FIRRM: variants seen among roughly 807,000 people sequenced by gnomAD.
FIRRM encodes the protein FIGNL1 interacting regulator of recombination and mitosis.
chr1:169,796,582 T>A, the FIRRM span, among the ~76,000 whole-genome samples: 3,731 of 152,336 alleles, frequency 0.024, 62 homozygotes, highest in South Asian at 0.036. Flanking sequence ...ATCTCCATCC[T>A]CATTGCTACC....
the FIRRM span, among the ~76,000 whole-genome samples, chr1:169,846,612 C>T: frequency 7.9e-5 from 12 of 152,304 alleles, 1 homozygote; most frequent in South Asian, 2.5e-3. Flanking sequence ...GAGATTGCTT[C>T]TTAAACTTCA....
At chr1:169,841,134 A>G in the FIRRM span, among the ~76,000 whole-genome samples, 3 of 152,070 alleles carry the variant, frequency 2.0e-5, no homozygotes, top group East Asian at 5.8e-4. Context: ...TTTGATGCCT[A>G]GTGTCTTGAT....
chr1:169,795,676 C>G, the FIRRM span: 1 of 987,728 alleles, frequency 1.0e-6, no homozygotes, highest in Non-Finnish European at 1.2e-6. Flanking sequence ...TAAGGGCTTT[C>G]TTAGCGTTAT....
chr1:169,819,825 A>G, the FIRRM span, among the ~76,000 whole-genome samples: 6 of 152,152 alleles, frequency 3.9e-5, no homozygotes, highest in Non-Finnish European at 8.8e-5. Context: ...AGAATCAACA[A>G]ATGGTAAAGG....
chr1:169,820,105 G>C, the FIRRM span, among the ~76,000 whole-genome samples: 1 of 152,228 alleles, frequency 6.6e-6, no homozygotes, highest in Admixed American at 6.5e-5. Flanking sequence ...ACAAGGTCAA[G>C]CTCCTAAGGA....
the FIRRM span, among the ~76,000 whole-genome samples, chr1:169,822,891 T>G: frequency 6.6e-6 from 1 of 152,250 alleles, no homozygotes; most frequent in South Asian, 2.1e-4. Flanking sequence ...TTTTAACGTT[T>G]GAACATTGTG....
At chr1:169,849,816 G>A in the FIRRM span, 3 of 553,870 alleles carry the variant, frequency 5.4e-6, no homozygotes, top group Non-Finnish European at 9.7e-6. Flanking sequence ...AATAAACAAG[G>A]ACCAGAACAG....
chr1:169,822,035 C>T, the FIRRM span, among the ~76,000 whole-genome samples: 2 of 152,050 alleles, frequency 1.3e-5, no homozygotes, highest in Non-Finnish European at 2.9e-5. Context: ...TTTAAAGATT[C>T]CCCTGATAGA....
the FIRRM span, chr1:169,851,045 C>CTTTTTTTTTTTTTTTTT: frequency 1.2e-4 from 2 of 17,308 alleles, no homozygotes; most frequent in East Asian, 2.2e-3. Context: ...GCTCAGGGCC[C>CTTTTTTTTTTTTTTTTT]TTTTTTTTTT....
chr1:169,803,728 C>T, the FIRRM span, among the ~76,000 whole-genome samples: 31 of 152,110 alleles, frequency 2.0e-4, no homozygotes, highest in Non-Finnish European at 3.7e-4. Context: ...CAAAAGCTTG[C>T]CTAGAATTTA....
chr1:169,838,141 G>C, the FIRRM span, among the ~76,000 whole-genome samples: 2 of 152,014 alleles, frequency 1.3e-5, no homozygotes, highest in South Asian at 2.1e-4. Flanking sequence ...CTTTCACCAT[G>C]TTGGCCAGGC....
chr1:169,838,940 C>G, the FIRRM span, among the ~76,000 whole-genome samples: 1 of 152,162 alleles, frequency 6.6e-6, no homozygotes. Flanking sequence ...TCTCTCCTCC[C>G]TCCCCCTACT....
the FIRRM span, among the ~76,000 whole-genome samples, chr1:169,799,603 G>C: frequency 6.6e-6 from 1 of 152,156 alleles, no homozygotes; most frequent in Admixed American, 6.5e-5. Flanking sequence ...CCAGGTTGGA[G>C]TGCAGTGGCG....
At chr1:169,788,946 A>T in the FIRRM span, among the ~76,000 whole-genome samples, 1 of 152,206 alleles carries the variant, frequency 6.6e-6, no homozygotes, top group African/African-American at 2.4e-5. Context: ...CTGAATTTTA[A>T]TTCCTTGAAA....
At chr1:169,843,788 T>C in the FIRRM span, 2 of 1,466,714 alleles carry the variant, frequency 1.4e-6, no homozygotes, top group African/African-American at 1.4e-5. Context: ...AATGACCAGA[T>C]TGATACTTTG....
At chr1:169,829,420 T>G in the FIRRM span, 1 of 1,612,998 alleles carries the variant, frequency 6.2e-7, no homozygotes, top group Non-Finnish European at 8.5e-7. Context: ...ATTTATTACT[T>G]CCTTTCATCC....
At chr1:169,807,296 G>A in the FIRRM span, among the ~76,000 whole-genome samples, 5 of 152,126 alleles carry the variant, frequency 3.3e-5, no homozygotes, top group African/African-American at 1.2e-4. Flanking sequence ...CAGCTTAAGA[G>A]TTATATCTTC....
chr1:169,844,833 T>C, the FIRRM span, among the ~76,000 whole-genome samples: 2 of 152,194 alleles, frequency 1.3e-5, no homozygotes, highest in Non-Finnish European at 2.9e-5. Context: ...TCAAAGGGTA[T>C]TGCTTCCTTT....
the FIRRM span, among the ~76,000 whole-genome samples, chr1:169,848,494 TTATA>T: frequency 2.0e-5 from 3 of 152,170 alleles, no homozygotes; most frequent in Non-Finnish European, 4.4e-5. Context: ...AGCAAACACA[TTATA>T]GACAGTATCT....
Sources: gnomAD v4.1 joint callset for allele counts (sites outside exome capture counted in the v4.1 genomes callset) on GRCh38, gnomAD v4.1.1 for gene constraint, MANE v1.5 for transcripts, NCBI Gene and HGNC (gene_info 2026-07-23, HGNC 2026-07-21) for gene names.